Variants in AQR observed in about 807,000 individuals in gnomAD.
AQR encodes the protein RNA helicase aquarius.
Under a neutral mutation model 180.5 loss-of-function variants are expected in AQR, and 61 were observed. The ratio of observed to expected loss-of-function variants is 0.34; its 90% CI spans 0.28 to 0.42. The LOEUF is 0.42. Among genes scored for constraint, AQR ranks in the 10% least tolerant of loss-of-function variants. The pLI, the probability that AQR is intolerant of heterozygous loss-of-function variation, is 1.00. For missense variants in AQR, 1,281 were observed against 1,798.3 expected (o/e 0.71, Z 5.20); for synonymous variants, 551 against 588.8 (o/e 0.94, Z 0.93).
chr15:34,893,605 G>GTGCA (rs1468751672), intron 23 of AQR, 58 bp downstream of exon 23: 17 of 1,018,304 alleles, frequency 1.7e-5, no homozygotes, highest in South Asian at 1.2e-4. Context: ...ATGCGCATGC[G>GTGCA]TGCACACACA....
At chr15:34,882,363 A>T in intron 27 of AQR, 139 bp downstream of exon 27, 1 of 937,818 alleles carries the variant, frequency 1.1e-6, no homozygotes, top group Non-Finnish European at 1.4e-6. Flanking sequence ...AGAGTTCACT[A>T]ATCATGTAAA....
chr15:34,925,330 T>A (rs1026059175), intron 13 of AQR, among the ~76,000 whole-genome samples: 3 of 152,138 alleles, frequency 2.0e-5, no homozygotes, highest in African/African-American at 7.2e-5. Context: ...AAAATTAAAA[T>A]CCAATTTACC....
intron 34 of AQR, among the ~76,000 whole-genome samples, 159 bp downstream of exon 34, chr15:34,859,883 T>C (rs1892644932): frequency 6.6e-6 from 1 of 152,208 alleles, no homozygotes; most frequent in South Asian, 2.1e-4. Context: ...TCTAACTATA[T>C]AAAGAAGTTT....
chr15:34,904,391 A>G lies in AQR; in HGVS notation c.1946T>C (p.Val649Ala). ...CATTATTATATTAAAAGTTTCATACACATCCTCTGCTCCATTTTGTATAGT... is the reference window on the plus strand; with the variant it reads ...CATTATTATATTAAAAGTTTCATACGCATCCTCTGCTCCATTTTGTATAGT... ...TNTIQNGAEDVYETFNIIMRR... is the reference protein window; with the variant it reads ...TNTIQNGAEDAYETFNIIMRR... Residue 649 changes from valine (V) to alanine (A), a missense_variant, in exon 19 of 35, where the codon GTG becomes GCG. Coordinates refer to ENST00000156471, the MANE Select transcript of AQR (RefSeq NM_014691.3). 6.2e-7 allele frequency: 1 copy of G among 1,609,448 alleles called. No individual in the cohort carries two copies. Among genetic ancestry groups the G allele is most frequent in the East Asian group, 2.2e-5 (1 of 44,670 alleles).
chr15:34,921,438 A>G (rs1342706586), intron 13 of AQR, among the ~76,000 whole-genome samples: 5 of 151,700 alleles, frequency 3.3e-5, no homozygotes, highest in Non-Finnish European at 7.4e-5. Context: ...CATCTCAAAA[A>G]AAAAAAAAAA....
At chr15:34,921,015 G>T (rs1893676291) in intron 13 of AQR, among the ~76,000 whole-genome samples, 1 of 152,050 alleles carries the variant, frequency 6.6e-6, no homozygotes, top group Non-Finnish European at 1.5e-5. Context: ...TTTTATTTAA[G>T]AATGTCCTTG....
intron 26 of AQR, among the ~76,000 whole-genome samples, chr15:34,883,232 C>T (rs1025377804): frequency 1.3e-5 from 2 of 152,070 alleles, no homozygotes; most frequent in African/African-American, 2.4e-5. Flanking sequence ...ACTCTCTCAT[C>T]GGCTATACTA....
intron 17 of AQR, among the ~76,000 whole-genome samples, chr15:34,909,660 T>C (rs939764062): frequency 6.6e-6 from 1 of 152,204 alleles, no homozygotes; most frequent in African/African-American, 2.4e-5. Context: ...ACAAAGTGTA[T>C]GTATTTCTAT....
chr15:34,916,645 T>C (rs1294653603), intron 15 of AQR, among the ~76,000 whole-genome samples: 1 of 151,894 alleles, frequency 6.6e-6, no homozygotes, highest in Non-Finnish European at 1.5e-5. Flanking sequence ...TAGCTACTAA[T>C]AGCACAAAAA....
rs1338863945 is a variant in AQR at position 34,900,472 on chromosome 15, G to A, written c.2243+150C>T. On this transcript the variant is annotated intron_variant, in intron 20 of 34. Transcript: ENST00000156471. ...AAGAAATAGATTCAAATATAATAAA[G>A]TTATCCCAGTGATTGTATGGTGAAG... The A allele has an allele frequency of 5.2e-6, 5 of 952,630 alleles. No homozygotes were observed. In the East Asian group the frequency reaches 1.3e-4, roughly 25 times the overall value. The allele number at this position is 952,630 out of a possible 1,614,324, so 59.0% of individuals were successfully genotyped here.
chr15:34,922,370 T>C (rs1049290968), intron 13 of AQR, among the ~76,000 whole-genome samples: 1 of 152,188 alleles, frequency 6.6e-6, no homozygotes, highest in African/African-American at 2.4e-5. Flanking sequence ...GTTTTCACTT[T>C]TCTTGAATAT....
At chr15:34,939,517 C>T (rs1024064707) in intron 8 of AQR, among the ~76,000 whole-genome samples, 4 of 152,038 alleles carry the variant, frequency 2.6e-5, no homozygotes, top group South Asian at 2.1e-4. Context: ...TATATTTTAA[C>T]GTTTAAGTAT....
Position 34,873,910 on chromosome 15 carries a change from C to G in AQR, c.3515G>C (p.Gly1172Ala). ...LLPEFSTANA[G>A]LLYDFQLINV... ...AATGAGCTGGAAGTCATACAGTAAG[C>G]CAGCATTTGCTGTACTAAACTCTGG... is the stretch of plus-strand genomic sequence containing the variant. The change falls in exon 30 of 35, where the codon GGC becomes GCC. Residue 1172 changes from glycine (G) to alanine (A), a missense_variant. By Grantham distance (60) the Gly-to-Ala change is moderately conservative. Around this residue, in one of 9 missense-constraint regions of AQR, gnomAD observed 197 missense variants for 320.7 expected, o/e 0.61. Transcript: ENST00000156471. The G allele has an allele frequency of 3.7e-6, 6 of 1,611,846 alleles. No individual in the cohort carries two copies. Among genetic ancestry groups the G allele is most frequent in the Non-Finnish European group, 5.1e-6 (6 of 1,178,728 alleles).
rs751706128 is a variant in AQR, at chr15:34,943,358, A to G, written c.471+930T>C. 7 of 1,465,608 alleles carry G rather than the reference A, an allele frequency of 4.8e-6. No individual in the cohort carries two copies. In the African/African-American group the frequency reaches 9.7e-5, roughly 20 times the overall value. The allele number at this position is 1,465,608 out of a possible 1,614,324, so 90.8% of individuals were successfully genotyped here. A position where few individuals can be genotyped will look rare whatever the true frequency, so the allele number is the denominator to read the frequency against. ...AAAGATGCAAGCATTTTGAACTGGG[A>G]GGAGATAAGAAGAGAAAGGGCCAAG... is the stretch of plus-strand genomic sequence containing the variant. On this transcript the variant is annotated intron_variant, in intron 6 of 34. Coordinates refer to ENST00000156471, the MANE Select transcript of AQR (RefSeq NM_014691.3).
At position 34,930,391 on chromosome 15, in the gene AQR, T is replaced by A. The variant is rs760289860; in HGVS notation, c.901-20A>T. ...CAAAAGCTGAAGAAACACATTTACA[T>A]GTATAAATCATATGAACATAAGGGC... On this transcript the variant is annotated intron_variant, in intron 11 of 34. Coordinates refer to ENST00000156471, the MANE Select transcript of AQR (RefSeq NM_014691.3). The A allele has an allele frequency of 2.2e-6, 3 of 1,354,710 alleles. No individual in the cohort carries two copies. The highest frequency in any genetic ancestry group is 1.2e-5 in the South Asian group (1 of 85,504). The allele number at this position is 1,354,710 out of a possible 1,614,324, so 83.9% of individuals were successfully genotyped here. A position where few individuals can be genotyped will look rare whatever the true frequency, so the allele number is the denominator to read the frequency against.
chr15:34,943,670 A>C (rs1486979409), intron 6 of AQR, among the ~76,000 whole-genome samples: 1 of 152,174 alleles, frequency 6.6e-6, no homozygotes, highest in Non-Finnish European at 1.5e-5. Context: ...TGAATTATCA[A>C]TTCAGAGGCA....
At chr15:34,922,698 C>T (rs556838354) in intron 13 of AQR, among the ~76,000 whole-genome samples, 1 of 152,132 alleles carries the variant, frequency 6.6e-6, no homozygotes, top group African/African-American at 2.4e-5. Context: ...GGATTACAAG[C>T]ATGTGCCACC....
Position 34,872,537 on chromosome 15 carries a change from T to C in AQR, c.3597+1291A>G, listed in dbSNP as rs553481369. 1.2e-3 allele frequency among the ~76,000 whole-genome samples: 176 copies of C among 152,208 alleles called. 1 individual carries two copies. Among genetic ancestry groups the C allele is most frequent in the African/African-American group, 4.0e-3 (168 of 41,546 alleles). On this transcript the variant is annotated intron_variant, in intron 30 of 34. Coordinates refer to ENST00000156471, the MANE Select transcript of AQR (RefSeq NM_014691.3). Reference sequence around the variant, plus strand: ...GAAATTCCAAAAAACCAATATGTAATGAAAACATCAGTTGATTACTGATAG... The same window carrying C: ...GAAATTCCAAAAAACCAATATGTAACGAAAACATCAGTTGATTACTGATAG...
intron 22 of AQR, among the ~76,000 whole-genome samples, chr15:34,895,737 A>T (rs996790751): frequency 8.5e-5 from 13 of 152,194 alleles, no homozygotes; most frequent in African/African-American, 3.1e-4. Flanking sequence ...GGAGAAATAG[A>T]CAAATTCATA....
Sources: allele counts gnomAD v4.1 joint callset (sites outside exome capture counted in the v4.1 genomes callset), GRCh38; gene constraint gnomAD v4.1.1; regional missense constraint gnomAD v4.1.1; transcripts MANE v1.5; gene names NCBI Gene and HGNC (gene_info 2026-07-23, HGNC 2026-07-21).